Variants in VIL1 observed in about 807,000 individuals in gnomAD.
The protein encoded by VIL1 is villin-1.
A neutral mutation model predicts 104.0 loss-of-function variants in VIL1; 86 were observed. The ratio of observed to expected loss-of-function variants is 0.83; its 90% CI spans 0.69 to 0.99. The LOEUF (loss-of-function observed/expected upper bound fraction) is 0.99. VIL1 is among the 50% of genes least tolerant of loss of function. The probability of loss-of-function intolerance (pLI) is 0.00; values close to 1 mark genes in which losing one functional copy is unlikely to be tolerated. For missense variants in VIL1, 944 were observed against 1,054.1 expected (o/e 0.90, Z 1.45); for synonymous variants, 394 against 412.6 (o/e 0.95, Z 0.55).
intron 19 of VIL1, among the ~76,000 whole-genome samples, chr2:218,441,110 C>T (rs112735025): frequency 1.3e-3 from 200 of 152,180 alleles, no homozygotes; most frequent in African/African-American, 4.6e-3. Context: ...CAAACAGGGC[C>T]GGGTGCAGTG....
intron 12 of VIL1, chr2:218,432,553 G>C (rs1223867179): frequency 1.4e-6 from 1 of 725,328 alleles, no homozygotes; most frequent in Non-Finnish European, 2.4e-6. Context: ...GGTTAAGGCT[G>C]GGGTTGCAGG....
intron 18 of VIL1, among the ~76,000 whole-genome samples, chr2:218,440,067 C>T (rs1206143335): frequency 6.6e-6 from 1 of 151,938 alleles, no homozygotes; most frequent in East Asian, 1.9e-4. Flanking sequence ...GGTGGACTGA[C>T]AGTACAGACT....
chr2:218,431,530 T>C (rs1278855929), intron 10 of VIL1, among the ~76,000 whole-genome samples: 7 of 152,044 alleles, frequency 4.6e-5, no homozygotes, highest in Non-Finnish European at 8.8e-5. Flanking sequence ...CCCCCAACAT[T>C]GCACAGCTCC....
Position 218,431,907 on chromosome 2 carries a change from C to T in VIL1, c.1153C>T (p.Gln385Ter). 2 of 1,613,936 alleles carry T rather than the reference C, an allele frequency of 1.2e-6. No homozygotes were observed. Among genetic ancestry groups the T allele is most frequent in the Non-Finnish European group, 1.7e-6 (2 of 1,180,000 alleles). The change falls in exon 11 of 20, where the codon CAG (glutamine) becomes TAG (stop). Residue 385 changes from glutamine (Q) to a stop codon, truncating the protein, a stop_gained. Transcript: ENST00000248444. LOFTEE classifies it high-confidence loss of function. ...TGCCACATCCATGCATGTCAAGCCT[C>T]AGGTGGCTGCCCAGCAGAAGATGGT... Reference protein sequence around the residue: ...FDATSMHVKPQVAAQQKMVDD... With the variant: ...FDATSMHVKP
intron 19 of VIL1, among the ~76,000 whole-genome samples, chr2:218,441,727 C>T (rs926351457): frequency 6.6e-6 from 1 of 152,146 alleles, no homozygotes; most frequent in African/African-American, 2.4e-5. Context: ...GTGGCTCATG[C>T]CTGTAATCCC....
At chr2:218,427,861 C>G (rs987976402) in intron 4 of VIL1, 104 bp from the exon 5 acceptor site, 2 of 1,050,942 alleles carry the variant, frequency 1.9e-6, no homozygotes, top group African/African-American at 1.6e-5. Flanking sequence ...CTACTCCCAC[C>G]CTGGCCCTCA....
chr2:218,436,431 C>A, intron 15 of VIL1, 51 bp from the exon 16 acceptor site: 1 of 1,588,938 alleles, frequency 6.3e-7, no homozygotes, highest in Non-Finnish European at 8.6e-7. Flanking sequence ...CCTCAATTCT[C>A]CTTTTGCCAC....
At chr2:218,430,254 G>T (rs1331520353) in intron 9 of VIL1, among the ~76,000 whole-genome samples, 1 of 152,298 alleles carries the variant, frequency 6.6e-6, no homozygotes, top group East Asian at 1.9e-4. Flanking sequence ...AAGGGAAGGA[G>T]AAATGGAGGG....
intron 19 of VIL1, among the ~76,000 whole-genome samples, chr2:218,441,165 G>C (rs1412702028): frequency 6.6e-6 from 1 of 152,122 alleles, no homozygotes; most frequent in African/African-American, 2.4e-5. Context: ...GAGGTGGGTG[G>C]ATCACCTGAG....
At position 218,435,300 on chromosome 2, in the gene VIL1, G is replaced by A. The variant is rs1348846454; in HGVS notation, c.1692G>A (p.Gly564=). Residue 564 remains glycine, a synonymous_variant, in exon 15 of 20, where the codon GGG becomes GGA. Coordinates refer to ENST00000248444, the MANE Select transcript of VIL1 (RefSeq NM_007127.3). ...CTTTTTTTTCCTAGGGTTGTAGCGG[G>A]GACGAGCGGGAGATGGCCAAGATGG... The part of the protein sequence containing the change: ...CYLWCGKGCS[G]DEREMAKMVA... 1 of 1,613,896 alleles carries A rather than the reference G, an allele frequency of 6.2e-7. No homozygotes were observed. The highest frequency in any genetic ancestry group is 1.7e-5 in the Admixed American group (1 of 59,986).
rs747062323 is a variant in VIL1 at position 218,449,350 on chromosome 2, G to T, written c.*14G>T. ...GGACTATTTTGAGAAGAGTAGCTGTGGTTGTAAAGCAGTACCCTACCCTGA... is the reference window on the plus strand; with the variant it reads ...GGACTATTTTGAGAAGAGTAGCTGTTGTTGTAAAGCAGTACCCTACCCTGA... On this transcript the variant is annotated 3_prime_UTR_variant, in exon 20 of 20. Transcript: ENST00000248444. 5 of 1,593,214 alleles carry T rather than the reference G, an allele frequency of 3.1e-6. No homozygotes were observed. The South Asian group carries it at 3.3e-5, about 11-fold the overall frequency.
At chr2:218,438,627 A>C in intron 17 of VIL1, 31 bp from the exon 18 acceptor site, 1 of 1,595,262 alleles carries the variant, frequency 6.3e-7, no homozygotes, top group South Asian at 1.1e-5. Flanking sequence ...GCTGAGATCC[A>C]GGTCTAATCT....
intron 17 of VIL1, 148 bp from the exon 18 acceptor site, chr2:218,438,510 C>T (rs572677179): frequency 1.5e-6 from 1 of 686,702 alleles, no homozygotes; most frequent in East Asian, 2.9e-5. Flanking sequence ...TTTCAGGGAC[C>T]CTCCTCCAGC....
intron 3 of VIL1, 47 bp downstream of exon 3, chr2:218,424,398 T>C (rs745661159): frequency 8.8e-6 from 14 of 1,592,336 alleles, no homozygotes; most frequent in Non-Finnish European, 1.2e-5. Context: ...CAAAACCCAC[T>C]GTGGTGTCAG....
chr2:218,429,948 G>A lies in VIL1; in HGVS notation c.948+1G>A, dbSNP rs762726663. On this transcript the variant is annotated splice_donor_variant, in intron 9 of 19. Coordinates refer to ENST00000248444, the MANE Select transcript of VIL1 (RefSeq NM_007127.3). LOFTEE classifies it high-confidence loss of function. ...GAAGGGAGCCATGAGCCATGCGCTG[G>A]TAGTGGTGGGGGCGGGGGAGGGTCC... 3.2e-6 allele frequency: 5 copies of A among 1,548,282 alleles called. No individual in the cohort carries two copies. The South Asian group carries it at 5.6e-5, about 17-fold the overall frequency.
At position 218,429,630 on chromosome 2, in the gene VIL1, G is replaced by A. The variant is rs1166241528; in HGVS notation, c.804G>A (p.Arg268=). Residue 268 remains arginine, a synonymous_variant, in exon 8 of 20, where the codon AGG becomes AGA. Coordinates refer to ENST00000248444, the MANE Select transcript of VIL1 (RefSeq NM_007127.3). ...VSDSEGNLVV[R]EVATRPLTQD... ...ACTCCGAGGGGAATCTGGTGGTGAG[G>A]GAAGTCGCCACACGGCCACTGACAC... 6.2e-7 allele frequency: 1 copy of A among 1,614,126 alleles called. No homozygotes were observed. Among genetic ancestry groups the A allele is most frequent in the Non-Finnish European group, 8.5e-7 (1 of 1,180,024 alleles).
At chr2:218,437,836 G>T (rs572741817) in intron 17 of VIL1, among the ~76,000 whole-genome samples, 1 of 152,290 alleles carries the variant, frequency 6.6e-6, no homozygotes, top group Non-Finnish European at 1.5e-5. Flanking sequence ...CTCCCACGGG[G>T]TGTTTCCTAA....
Position 218,437,319 on chromosome 2 carries a change from G to A in VIL1, c.2160+7G>A, listed in dbSNP as rs1689213228. On this transcript the variant is annotated splice_region_variant and intron_variant, in intron 17 of 19. Transcript: ENST00000248444. ...GGATCCCTTCAAGTGGAGTGTGAGTGGCCTCATCCCAGCATGTCCTTCTCT... is the reference window on the plus strand; with the variant it reads ...GGATCCCTTCAAGTGGAGTGTGAGTAGCCTCATCCCAGCATGTCCTTCTCT... The A allele has an allele frequency of 6.2e-7, 1 of 1,612,248 alleles. No individual in the cohort carries two copies. The highest frequency in any genetic ancestry group is 2.2e-5 in the East Asian group (1 of 44,840).
chr2:218,441,785 C>T (rs1446809243), intron 19 of VIL1, among the ~76,000 whole-genome samples: 1 of 151,962 alleles, frequency 6.6e-6, no homozygotes, highest in South Asian at 2.1e-4. Context: ...GTCAGGTGTT[C>T]GAGACCAGCC....
Sources: allele counts gnomAD v4.1 joint callset (sites outside exome capture counted in the v4.1 genomes callset), GRCh38; gene constraint gnomAD v4.1.1; transcripts MANE v1.5; gene names NCBI Gene and HGNC (gene_info 2026-07-23, HGNC 2026-07-21).